Variants in RASSF2 observed in about 807,000 individuals in gnomAD.
The protein encoded by RASSF2 is ras association domain-containing protein 2.
RASSF2 carries 34 observed loss-of-function variants against 46.3 expected under a neutral mutation model. That is an observed-to-expected ratio of 0.73 (90% CI 0.56 to 0.98). The LOEUF (loss-of-function observed/expected upper bound fraction) is 0.98, where lower values mean the gene tolerates loss of function less well. Ranked by LOEUF, RASSF2 falls within the 50% of genes least tolerant of loss-of-function variation. The probability of loss-of-function intolerance (pLI) is 0.00; values close to 1 mark genes in which losing one functional copy is unlikely to be tolerated. For synonymous variants in RASSF2, 158 were observed against 162.5 expected (o/e 0.97, Z 0.21); for missense variants, 364 against 431.2 (o/e 0.84, Z 1.38).
chr20:4,799,153 T>C (rs567870680), intron 3 of RASSF2, among the ~76,000 whole-genome samples: 11 of 152,272 alleles, frequency 7.2e-5, no homozygotes, highest in Admixed American at 2.6e-4. Context: ...CTGGCAATAC[T>C]TTTTCAGTTC....
At chr20:4,807,972 C>T (rs1363128103) in intron 2 of RASSF2, among the ~76,000 whole-genome samples, 2 of 152,184 alleles carry the variant, frequency 1.3e-5, no homozygotes, top group African/African-American at 2.4e-5. Flanking sequence ...CATTCACATC[C>T]ACCTTAAGGC....
rs76159294 is a variant in RASSF2, at chr20:4,812,824, T to G, written c.-33+9505A>C. On this transcript the variant is annotated intron_variant, in intron 2 of 11. Transcript: ENST00000379400. This position sits in a 1 kb window ranked among gnomAD's most constrained non-coding sequence, Gnocchi z 4.0. ...GTGGCACAGCCGACATGCAGCCCAG[T>G]GCTCCTGTGGCTCTCTGGCTGAGCG... 0.02 allele frequency among the ~76,000 whole-genome samples: 3,069 copies of G among 152,304 alleles called. 92 individuals are homozygous for G. Among genetic ancestry groups the G allele is most frequent in the African/African-American group, 0.07 (2,890 of 41,554 alleles).
At chr20:4,820,946 G>A (rs1305712351) in intron 2 of RASSF2, among the ~76,000 whole-genome samples, 3 of 152,104 alleles carry the variant, frequency 2.0e-5, no homozygotes, top group Non-Finnish European at 4.4e-5. Context: ...GTAATAATCA[G>A]GCCCATGTTC....
Position 4,787,488 on chromosome 20 carries a change from G to T in RASSF2, c.813+145C>A, listed in dbSNP as rs952267930. The T allele has an allele frequency of 8.4e-6, 8 of 955,384 alleles. No individual in the cohort carries two copies. In the African/African-American group the frequency reaches 1.3e-4, roughly 16 times the overall value. 59.2% of individuals were successfully genotyped at this position (955,384 alleles called of 1,614,324 possible). A position where few individuals can be genotyped will look rare whatever the true frequency, so the allele number is the denominator to read the frequency against. ...TGGAGATGTTTGTTACTCTGCAAAA[G>T]CTGGCTTCGAGAGAACCTGGTGCTG... On this transcript the variant is annotated intron_variant, in intron 10 of 11. Transcript: ENST00000379400.
At chr20:4,802,999 T>A (rs1386883638) in intron 2 of RASSF2, among the ~76,000 whole-genome samples, 1 of 151,236 alleles carries the variant, frequency 6.6e-6, no homozygotes, top group Non-Finnish European at 1.5e-5. Flanking sequence ...GCCTCGACTT[T>A]CCCAGGCTGA....
At chr20:4,807,194 G>A (rs964438159) in intron 2 of RASSF2, among the ~76,000 whole-genome samples, 2 of 152,128 alleles carry the variant, frequency 1.3e-5, no homozygotes, top group African/African-American at 4.8e-5. Flanking sequence ...GCGTTTGGAA[G>A]GGGGAAGACA....
intron 2 of RASSF2, among the ~76,000 whole-genome samples, chr20:4,816,637 C>T (rs532566155): frequency 2.6e-5 from 4 of 152,058 alleles, no homozygotes; most frequent in South Asian, 2.1e-4. Flanking sequence ...TACTTTGCCA[C>T]AATAAAACAT....
intron 2 of RASSF2, among the ~76,000 whole-genome samples, chr20:4,814,541 G>A (rs1431208106): frequency 6.6e-6 from 1 of 152,110 alleles, no homozygotes; most frequent in East Asian, 1.9e-4. Flanking sequence ...CCAAAAGCTA[G>A]GATCGCTGGC....
At chr20:4,819,154 G>A (rs1045062173) in intron 2 of RASSF2, among the ~76,000 whole-genome samples, 1 of 152,024 alleles carries the variant, frequency 6.6e-6, no homozygotes, top group African/African-American at 2.4e-5. Flanking sequence ...GTAGAGACGG[G>A]GTTTCACCAT....
chr20:4,784,826 A>G (rs1468889607), intron 11 of RASSF2, among the ~76,000 whole-genome samples: 2 of 152,110 alleles, frequency 1.3e-5, no homozygotes, highest in South Asian at 2.1e-4. Flanking sequence ...CAGAACCTGC[A>G]TTTTGCAGAA....
At chr20:4,808,274 T>C (rs1927500807) in intron 2 of RASSF2, among the ~76,000 whole-genome samples, 1 of 152,098 alleles carries the variant, frequency 6.6e-6, no homozygotes, top group African/African-American at 2.4e-5. Context: ...TTAAGAACCA[T>C]TTACGATCAT....
intron 2 of RASSF2, among the ~76,000 whole-genome samples, chr20:4,819,169 G>A (rs1193578394): frequency 2.0e-5 from 3 of 152,124 alleles, no homozygotes; most frequent in East Asian, 3.9e-4. Context: ...CACCATGTTG[G>A]TCAGGCTGGT....
chr20:4,820,325 C>T (rs752051331), intron 2 of RASSF2, among the ~76,000 whole-genome samples: 4 of 151,976 alleles, frequency 2.6e-5, no homozygotes, highest in South Asian at 2.1e-4. Flanking sequence ...GATAACATAG[C>T]GAGACTTCAT....
At chr20:4,805,844 TGACGCA>T (rs1370616116) in intron 2 of RASSF2, among the ~76,000 whole-genome samples, 2 of 152,076 alleles carry the variant, frequency 1.3e-5, no homozygotes, top group African/African-American at 2.4e-5. Context: ...AGAGTCCTGG[TGACGCA>T]CAGGCTGCTG....
In RASSF2 at chr20:4,799,277, G is replaced by A. The variant is rs73893833; in HGVS notation, c.60-1192C>T. 5.6e-3 allele frequency among the ~76,000 whole-genome samples: 853 copies of A among 152,334 alleles called. 4 individuals carry two copies. Among genetic ancestry groups the A allele is most frequent in the African/African-American group, 0.019 (793 of 41,568 alleles). On this transcript the variant is annotated intron_variant, in intron 3 of 11. Coordinates refer to ENST00000379400, the MANE Select transcript of RASSF2 (RefSeq NM_014737.3). Reference sequence around the variant, plus strand: ...CACTGGGAGTACAGCTCTACTGCACGTGGCCAGAGAGGAGATTTCACCCCC... The same window carrying A: ...CACTGGGAGTACAGCTCTACTGCACATGGCCAGAGAGGAGATTTCACCCCC...
At chr20:4,798,489 C>T (rs183584647) in intron 3 of RASSF2, among the ~76,000 whole-genome samples, 264 of 152,254 alleles carry the variant, frequency 1.7e-3, no homozygotes, top group South Asian at 9.5e-3. Flanking sequence ...CCCTCAAGCA[C>T]GCTGTGAGTG....
chr20:4,820,261 T>C (rs894317173), intron 2 of RASSF2, among the ~76,000 whole-genome samples: 16 of 152,120 alleles, frequency 1.1e-4, no homozygotes, highest in African/African-American at 3.9e-4. Context: ...TCCTAGCACT[T>C]TGGGAGGCTG....
At chr20:4,787,596 T>C in intron 10 of RASSF2, 37 bp downstream of exon 10, 1 of 1,613,000 alleles carries the variant, frequency 6.2e-7, no homozygotes, top group Non-Finnish European at 8.5e-7. Context: ...ATCCCCACCC[T>C]CCTGAGGACA....
At chr20:4,810,066 A>G (rs1168235459) in intron 2 of RASSF2, among the ~76,000 whole-genome samples, 3 of 152,144 alleles carry the variant, frequency 2.0e-5, no homozygotes, top group African/African-American at 7.2e-5. Flanking sequence ...CCTGCTCCAT[A>G]TCTGAGATTG....
Sources: allele counts gnomAD v4.1 joint callset (sites outside exome capture counted in the v4.1 genomes callset), GRCh38; gene constraint gnomAD v4.1.1; non-coding constraint Gnocchi (gnomAD v3.1); transcripts MANE v1.5; gene names NCBI Gene and HGNC (gene_info 2026-07-23, HGNC 2026-07-21).